The following ZFYVE9 variants were observed in gnomAD, a reference collection of about 807,000 sequenced individuals.
The protein encoded by ZFYVE9 is zinc finger FYVE-type containing 9.
ZFYVE9 carries 43 observed loss-of-function variants against 126.7 expected under a neutral mutation model. The ratio of observed to expected loss-of-function variants is 0.34; its 90% CI spans 0.27 to 0.44. ZFYVE9 has a LOEUF of 0.44. Ranked by LOEUF, ZFYVE9 falls within the 20% of genes least tolerant of loss-of-function variation. The pLI is 1.00. For synonymous variants in ZFYVE9, 521 were observed against 597.4 expected (o/e 0.87, Z 1.87); for missense variants, 1,476 against 1,697.0 (o/e 0.87, Z 2.29).
At chr1:52,246,991 A>T (rs1478922179) in intron 4 of ZFYVE9, among the ~76,000 whole-genome samples, 1 of 151,998 alleles carries the variant, frequency 6.6e-6, no homozygotes, top group Admixed American at 6.5e-5. Flanking sequence ...TACAGGCGTG[A>T]GCCGCTGTGC....
chr1:52,243,307 A>T (rs1645353505), intron 4 of ZFYVE9, among the ~76,000 whole-genome samples: 2 of 152,184 alleles, frequency 1.3e-5, no homozygotes, highest in Admixed American at 1.3e-4. Context: ...GATGAAGGAG[A>T]TAAGGAGGGA....
intron 4 of ZFYVE9, among the ~76,000 whole-genome samples, chr1:52,243,858 A>G (rs1223947525): frequency 6.6e-6 from 1 of 152,078 alleles, no homozygotes; most frequent in African/African-American, 2.4e-5. Context: ...ATGGGAGTGG[A>G]TGAGATTACC....
At chr1:52,176,035 G>T (rs1483256570) in intron 1 of ZFYVE9, among the ~76,000 whole-genome samples, 2 of 152,226 alleles carry the variant, frequency 1.3e-5, no homozygotes, top group Non-Finnish European at 2.9e-5. Flanking sequence ...TCCATTGCTG[G>T]TGAGGAACTG....
chr1:52,284,659 T>C (rs1569669172), intron 10 of ZFYVE9, among the ~76,000 whole-genome samples: 1 of 152,240 alleles, frequency 6.6e-6, no homozygotes, highest in East Asian at 1.9e-4. Context: ...GACTTCGTGA[T>C]CCGCCCGCCT....
chr1:52,293,601 T>A lies in ZFYVE9; in HGVS notation c.3174T>A (p.Leu1058=). 5 of 1,614,100 alleles carry A rather than the reference T, an allele frequency of 3.1e-6. No individual in the cohort carries two copies. Among genetic ancestry groups the A allele is most frequent in the Non-Finnish European group, 4.2e-6 (5 of 1,180,010 alleles). Reference sequence around the variant, plus strand: ...CCCCACCTTACTTGTTTGGGATTCTTATCCAGAAATGGGAAACTCCTTGGG... The same window carrying A: ...CCCCACCTTACTTGTTTGGGATTCTAATCCAGAAATGGGAAACTCCTTGGG... The part of the protein sequence containing the change: ...LPTPPYLFGI[L]IQKWETPWAK... The change falls in exon 11 of 19, where the codon CTT becomes CTA. Residue 1058 remains leucine (L), a synonymous_variant. Transcript: ENST00000287727.
At chr1:52,252,779 G>T in intron 4 of ZFYVE9, 1 of 423,928 alleles carries the variant, frequency 2.4e-6, no homozygotes, top group South Asian at 1.8e-5. Context: ...GCCATGGCTG[G>T]GCTCCCCTAC....
chr1:52,197,222 GTTGA>G (rs1223677170), intron 1 of ZFYVE9, among the ~76,000 whole-genome samples: 2 of 152,186 alleles, frequency 1.3e-5, no homozygotes, highest in Non-Finnish European at 2.9e-5. Flanking sequence ...ATGATTTAAT[GTTGA>G]TTGTGAGCAT....
intron 13 of ZFYVE9, 87 bp downstream of exon 13, chr1:52,304,012 T>C (rs1370384326): frequency 8.9e-6 from 7 of 785,890 alleles, no homozygotes; most frequent in African/African-American, 7.3e-5. Context: ...ATTTTACTTA[T>C]AATTAATTAA....
At chr1:52,268,694 T>A (rs1402909234) in intron 7 of ZFYVE9, 62 bp downstream of exon 7, 2 of 1,549,228 alleles carry the variant, frequency 1.3e-6, no homozygotes, top group Admixed American at 3.7e-5. Flanking sequence ...GTGCTGCCTC[T>A]GTTGAATTAC....
chr1:52,181,428 C>G (rs1454860058), intron 1 of ZFYVE9, among the ~76,000 whole-genome samples: 1 of 152,322 alleles, frequency 6.6e-6, no homozygotes, highest in African/African-American at 2.4e-5. Context: ...GATCTCGGCT[C>G]GCTACAATCT....
At chr1:52,209,329 T>C (rs1450762167) in intron 1 of ZFYVE9, among the ~76,000 whole-genome samples, 1 of 152,200 alleles carries the variant, frequency 6.6e-6, no homozygotes, top group Non-Finnish European at 1.5e-5. Context: ...AAGACTTTTT[T>C]TTTAACTGGT....
intron 1 of ZFYVE9, among the ~76,000 whole-genome samples, chr1:52,194,667 A>C (rs982593595): frequency 6.6e-5 from 10 of 152,280 alleles, no homozygotes; most frequent in African/African-American, 2.4e-4. Context: ...TTGGTGGAAA[A>C]CTTGGCAGTA....
chr1:52,151,652 A>C (rs963169287), intron 1 of ZFYVE9, among the ~76,000 whole-genome samples: 4 of 151,620 alleles, frequency 2.6e-5, no homozygotes, highest in African/African-American at 7.3e-5. Context: ...AGTAGCTGGG[A>C]CTACAGGCAC....
intron 7 of ZFYVE9, among the ~76,000 whole-genome samples, chr1:52,269,831 A>G (rs1304948067): frequency 6.6e-6 from 1 of 151,254 alleles, no homozygotes; most frequent in African/African-American, 2.4e-5. Context: ...TCTATCGCCC[A>G]GGCTCCAGTA....
At chr1:52,227,017 A>G (rs902528328) in intron 2 of ZFYVE9, among the ~76,000 whole-genome samples, 1 of 152,174 alleles carries the variant, frequency 6.6e-6, no homozygotes, top group Admixed American at 6.5e-5. Flanking sequence ...TTTTCCTTTC[A>G]GAAGGGGTAG....
intron 10 of ZFYVE9, among the ~76,000 whole-genome samples, chr1:52,284,042 G>A (rs1645830292): frequency 6.6e-6 from 1 of 152,086 alleles, no homozygotes; most frequent in Non-Finnish European, 1.5e-5. Context: ...GGGTTAGAGG[G>A]GACAAGTCAA....
chr1:52,193,162 C>T (rs1001038768), intron 1 of ZFYVE9, among the ~76,000 whole-genome samples: 1 of 152,018 alleles, frequency 6.6e-6, no homozygotes, highest in Non-Finnish European at 1.5e-5. Flanking sequence ...AGTCCTCCTG[C>T]GTCAGCCTCC....
intron 13 of ZFYVE9, among the ~76,000 whole-genome samples, chr1:52,325,018 G>T (rs919428117): frequency 6.6e-6 from 1 of 152,108 alleles, no homozygotes; most frequent in African/African-American, 2.4e-5. Context: ...GGTGGCTCAC[G>T]CCTGTAATCC....
chr1:52,206,472 A>G (rs1490717740), intron 1 of ZFYVE9, among the ~76,000 whole-genome samples: 2 of 152,262 alleles, frequency 1.3e-5, no homozygotes, highest in Non-Finnish European at 2.9e-5. Context: ...TAAACAATTT[A>G]TATACCACTT....
Sources: gnomAD v4.1 joint callset for allele counts (sites outside exome capture counted in the v4.1 genomes callset) on GRCh38, gnomAD v4.1.1 for gene constraint, MANE v1.5 for transcripts, NCBI Gene and HGNC (gene_info 2026-07-23, HGNC 2026-07-21) for gene names.